Variants in RAB20 observed in about 807,000 individuals in gnomAD.
The protein encoded by RAB20 is RAB20, member RAS oncogene family, also known as ras-related protein Rab-20.
Under a neutral mutation model 3.7 loss-of-function variants are expected in RAB20, and 2 were observed. The observed-to-expected ratio is 0.54, with a 90% CI of 0.22 to 1.69. The LOEUF is 1.69. Among genes scored for constraint, RAB20 ranks in the 40% most tolerant of loss-of-function variants. The pLI is 0.19. For missense variants in RAB20, 276 were observed against 311.9 expected, an observed-to-expected ratio of 0.88 and a Z score of 0.87; for synonymous variants, 126 against 130.8, an observed-to-expected ratio of 0.96 and a Z score of 0.25.
intron 1 of RAB20, among the ~76,000 whole-genome samples, chr13:110,524,735 A>T (rs762986745): frequency 6.6e-6 from 1 of 152,180 alleles, no homozygotes; most frequent in Non-Finnish European, 1.5e-5. Context: ...TTCTGAGTTC[A>T]TAACAGCAGT....
chr13:110,552,565 C>T (rs1032858467), intron 1 of RAB20, among the ~76,000 whole-genome samples: 5 of 150,820 alleles, frequency 3.3e-5, no homozygotes, highest in African/African-American at 7.3e-5. Flanking sequence ...CGGTGGCGGG[C>T]GCCTGTAGTC....
intron 1 of RAB20, among the ~76,000 whole-genome samples, chr13:110,552,994 T>C (rs1320190435): frequency 1.3e-5 from 2 of 152,250 alleles, no homozygotes; most frequent in African/African-American, 4.8e-5. Context: ...CCGAGTATAA[T>C]GTCGCTTTGT....
chr13:110,552,513 G>A lies in RAB20; in HGVS notation c.172+8835C>T, dbSNP rs577134738. ...TCGAGACCATCCTGGCTAATATAGT[G>A]AAACCCCGTCTCTACTAAAAATACA... On this transcript the variant is annotated intron_variant, in intron 1 of 1. Transcript: ENST00000267328. Among the ~76,000 whole-genome samples, 19 of 151,858 alleles carry A rather than the reference G, an allele frequency of 1.3e-4. No homozygotes were observed. The South Asian group carries it at 3.9e-3, about 32-fold the overall frequency.
At chr13:110,547,579 C>T (rs1017439448) in intron 1 of RAB20, among the ~76,000 whole-genome samples, 26 of 152,164 alleles carry the variant, frequency 1.7e-4, no homozygotes, top group African/African-American at 6.3e-4. Context: ...CAAGTCACTT[C>T]TACGAAGGAC....
At chr13:110,561,301 C>A in intron 1 of RAB20, 47 bp downstream of exon 1, 2 of 1,511,022 alleles carry the variant, frequency 1.3e-6, no homozygotes, top group Non-Finnish European at 1.8e-6. Flanking sequence ...GCCCCCCGTC[C>A]CCGGCGGAGC....
intron 1 of RAB20, among the ~76,000 whole-genome samples, chr13:110,540,110 A>G (rs1884731655): frequency 6.6e-6 from 1 of 152,256 alleles, no homozygotes; most frequent in South Asian, 2.1e-4. Context: ...AAAATAGTTC[A>G]ATGACAAAAC....
chr13:110,559,438 G>GT (rs1217902316), intron 1 of RAB20, among the ~76,000 whole-genome samples: 2 of 152,166 alleles, frequency 1.3e-5, no homozygotes, highest in Non-Finnish European at 2.9e-5. Context: ...TATAGAAAAG[G>GT]TATCTGTTCC....
At chr13:110,539,232 G>A (rs370563894) in intron 1 of RAB20, among the ~76,000 whole-genome samples, 3 of 152,250 alleles carry the variant, frequency 2.0e-5, no homozygotes, top group African/African-American at 7.2e-5. Context: ...ACATAAAGGA[G>A]GATGATTACT....
intron 1 of RAB20, among the ~76,000 whole-genome samples, chr13:110,550,675 C>G (rs973728021): frequency 6.6e-6 from 1 of 152,106 alleles, no homozygotes; most frequent in African/African-American, 2.4e-5. Flanking sequence ...TTTCCTGAAA[C>G]ACATTCCCGA....
chr13:110,526,949 G>A (rs1224980053), intron 1 of RAB20, among the ~76,000 whole-genome samples: 2 of 152,156 alleles, frequency 1.3e-5, no homozygotes, highest in South Asian at 4.1e-4. Context: ...CTGAGAAGGG[G>A]TCCTGGGCTT....
intron 1 of RAB20, among the ~76,000 whole-genome samples, chr13:110,532,804 G>A (rs554063963): frequency 3.3e-5 from 5 of 152,172 alleles, no homozygotes; most frequent in South Asian, 2.1e-4. Flanking sequence ...TCAGCCTCCC[G>A]AGTAGCTGGG....
rs1192467991 is a variant in RAB20, at chr13:110,539,564, G to GT, written c.173-15368dup. Among the ~76,000 whole-genome samples the GT allele has an allele frequency of 4.3e-3, 386 of 90,432 alleles. 1 individual carries two copies. Among genetic ancestry groups the GT allele is most frequent in the Middle Eastern group, 0.033 (4 of 122 alleles). The allele number at this position is 90,432 out of a possible 152,430, so 59.3% of individuals were successfully genotyped here. A position where few individuals can be genotyped will look rare whatever the true frequency, so the allele number is the denominator to read the frequency against. On this transcript the variant is annotated intron_variant, in intron 1 of 1. Coordinates refer to ENST00000267328, the MANE Select transcript of RAB20 (RefSeq NM_017817.3). ...TTTTGTTTTTGTTTTTGGGTTTTTT[G>GT]TTTTTTTTTTTTGAGATGGAGTCTC... is the stretch of plus-strand genomic sequence containing the variant.
chr13:110,535,749 A>T (rs1249571735), intron 1 of RAB20, among the ~76,000 whole-genome samples: 1 of 152,176 alleles, frequency 6.6e-6, no homozygotes. Flanking sequence ...CTGAGCGCCC[A>T]CTGGACCACA....
rs115655865 is a variant in RAB20 at position 110,536,038 on chromosome 13, A to C, written c.173-11841T>G. ...CATGGAGTACGGCAGACCCTTAATC[A>C]CATCTAACTGGTGTCCTTATTAGAG... On this transcript the variant is annotated intron_variant, in intron 1 of 1. Transcript: ENST00000267328. 9.0e-3 allele frequency among the ~76,000 whole-genome samples: 1,370 copies of C among 152,292 alleles called. 26 individuals are homozygous for C. Among genetic ancestry groups the C allele is most frequent in the African/African-American group, 0.032 (1,309 of 41,550 alleles).
chr13:110,541,226 C>T (rs933388779), intron 1 of RAB20, among the ~76,000 whole-genome samples: 1 of 152,198 alleles, frequency 6.6e-6, no homozygotes, highest in Non-Finnish European at 1.5e-5. Context: ...CAACAGATTC[C>T]TCAAGCAGTG....
At chr13:110,544,461 A>G (rs887467981) in intron 1 of RAB20, among the ~76,000 whole-genome samples, 4 of 152,236 alleles carry the variant, frequency 2.6e-5, no homozygotes, top group African/African-American at 9.6e-5. Flanking sequence ...TATGATAGTG[A>G]TTGCATTGAA....
chr13:110,544,372 G>A (rs1480775480), intron 1 of RAB20, among the ~76,000 whole-genome samples: 1 of 152,106 alleles, frequency 6.6e-6, no homozygotes, highest in Non-Finnish European at 1.5e-5. Flanking sequence ...CAAGAATTTT[G>A]CTGGCTATTT....
chr13:110,538,613 AAAAAAGAAAG>A (rs1435159685), intron 1 of RAB20, among the ~76,000 whole-genome samples: 30 of 134,582 alleles, frequency 2.2e-4, no homozygotes, highest in Non-Finnish European at 4.1e-4. Flanking sequence ...AAAAAAAAAA[AAAAAAGAAAG>A]AAAAGAAAAG....
intron 1 of RAB20, among the ~76,000 whole-genome samples, chr13:110,556,724 G>A (rs569593593): frequency 2.6e-4 from 39 of 152,162 alleles, no homozygotes; most frequent in African/African-American, 6.3e-4. Context: ...TGTAGAAACC[G>A]TCTCCCTGTG....
Sources: allele counts gnomAD v4.1 joint callset (sites outside exome capture counted in the v4.1 genomes callset), GRCh38; gene constraint gnomAD v4.1.1; transcripts MANE v1.5; gene names NCBI Gene and HGNC (gene_info 2026-07-23, HGNC 2026-07-21).